LRP1B: variants seen among roughly 807,000 people sequenced by gnomAD.
The protein encoded by LRP1B is low-density lipoprotein receptor-related protein 1B.
A neutral mutation model predicts 556.6 loss-of-function variants in LRP1B; 217 were observed. That is an observed-to-expected ratio of 0.39 (90% CI 0.35 to 0.44). LRP1B has a LOEUF of 0.44. Ranked by LOEUF, LRP1B falls within the 20% of genes least tolerant of loss-of-function variation. LRP1B has a pLI of 1.00. For synonymous variants in LRP1B, 2,047 were observed against 1,865.8 expected, an observed-to-expected ratio of 1.10 and a Z score of -2.50; for missense variants, 5,053 against 5,620.8, an observed-to-expected ratio of 0.90 and a Z score of 3.23.
intron 2 of LRP1B, among the ~76,000 whole-genome samples, chr2:141,670,351 T>C (rs139443418): frequency 0.012 from 1,851 of 152,288 alleles, 20 homozygotes; most frequent in Non-Finnish European, 0.018. Context: ...TAATATCACA[T>C]ATTAACTGTG....
intron 11 of LRP1B, among the ~76,000 whole-genome samples, chr2:141,033,686 G>T (rs1260446102): frequency 6.6e-6 from 1 of 152,020 alleles, no homozygotes; most frequent in African/African-American, 2.4e-5. Flanking sequence ...AAGAGGAAGA[G>T]GCCAGAGCTC....
intron 5 of LRP1B, among the ~76,000 whole-genome samples, chr2:141,244,824 A>G (rs1684008981): frequency 6.6e-6 from 1 of 152,080 alleles, no homozygotes; most frequent in Admixed American, 6.6e-5. Flanking sequence ...TTTTCCTTAA[A>G]CTATAAACCA....
chr2:141,521,367 G>T (rs1684523726), intron 2 of LRP1B, among the ~76,000 whole-genome samples: 1 of 151,866 alleles, frequency 6.6e-6, no homozygotes, highest in South Asian at 2.1e-4. Context: ...TTTCCAGTTT[G>T]TTCCTTCCTA....
intron 49 of LRP1B, among the ~76,000 whole-genome samples, chr2:140,524,392 C>T (rs977133299): frequency 6.6e-6 from 1 of 151,834 alleles, no homozygotes; most frequent in Admixed American, 6.6e-5. Context: ...ATTAGTTCAG[C>T]CCCTGTGAAA....
intron 3 of LRP1B, among the ~76,000 whole-genome samples, chr2:141,332,724 T>TA (rs1553497870): frequency 6.5e-5 from 9 of 138,988 alleles, no homozygotes; most frequent in South Asian, 4.2e-4. Context: ...CCTTATTTTT[T>TA]TATATATATA....
chr2:140,763,166 G>A (rs1688987917), intron 35 of LRP1B, among the ~76,000 whole-genome samples: 1 of 152,084 alleles, frequency 6.6e-6, no homozygotes, highest in South Asian at 2.1e-4. Flanking sequence ...AAGACACTGT[G>A]ATCTGCTCAA....
chr2:140,558,977 G>T (rs1203406130), intron 43 of LRP1B, among the ~76,000 whole-genome samples: 1 of 150,572 alleles, frequency 6.6e-6, no homozygotes, highest in Admixed American at 6.6e-5. Flanking sequence ...ATCACAATTT[G>T]TGCTGTCAAA....
intron 86 of LRP1B, among the ~76,000 whole-genome samples, chr2:140,264,344 T>C (rs1682089533): frequency 6.6e-6 from 1 of 152,192 alleles, no homozygotes; most frequent in Admixed American, 6.6e-5. Flanking sequence ...TTCTCCTGCC[T>C]TAGCCTCCCA....
intron 1 of LRP1B, among the ~76,000 whole-genome samples, chr2:141,850,137 T>C (rs1164082157): frequency 6.6e-6 from 1 of 151,784 alleles, no homozygotes; most frequent in Non-Finnish European, 1.5e-5. Flanking sequence ...CTCATCTTAG[T>C]GATAATTTTT....
At chr2:141,104,529 A>G (rs1226445792) in intron 7 of LRP1B, among the ~76,000 whole-genome samples, 1 of 152,070 alleles carries the variant, frequency 6.6e-6, no homozygotes, top group Non-Finnish European at 1.5e-5. Flanking sequence ...TGAACATGAA[A>G]TGAATGGAAT....
chr2:140,908,734 T>C (rs1370259814), intron 21 of LRP1B, among the ~76,000 whole-genome samples: 1 of 152,154 alleles, frequency 6.6e-6, no homozygotes, highest in Non-Finnish European at 1.5e-5. Context: ...AAATAATTAT[T>C]GTTTAGCCAG....
chr2:140,554,397 G>T (rs915121459), intron 43 of LRP1B, among the ~76,000 whole-genome samples: 1 of 152,018 alleles, frequency 6.6e-6, no homozygotes, highest in African/African-American at 2.4e-5. Context: ...AACAGTTTGT[G>T]ATTCATAAGC....
At position 141,780,702 on chromosome 2, in the gene LRP1B, G is replaced by A. The variant is rs1695225327; in HGVS notation, c.205+29577C>T. Among the ~76,000 whole-genome samples the A allele has an allele frequency of 3.9e-5, 6 of 152,168 alleles. No individual in the cohort carries two copies. The South Asian group carries it at 1.2e-3, about 32-fold the overall frequency. On this transcript the variant is annotated intron_variant, in intron 2 of 90. Coordinates refer to ENST00000389484, the MANE Select transcript of LRP1B (RefSeq NM_018557.3). Reference sequence around the variant, plus strand: ...GGGGAAGCAACAGCATTCTTTAGATGAACCTTATAATGCAATTGTTTTATC... The same window carrying A: ...GGGGAAGCAACAGCATTCTTTAGATAAACCTTATAATGCAATTGTTTTATC...
At chr2:141,536,394 T>C (rs185008561) in intron 2 of LRP1B, among the ~76,000 whole-genome samples, 1 of 152,174 alleles carries the variant, frequency 6.6e-6, no homozygotes, top group Non-Finnish European at 1.5e-5. Flanking sequence ...CCTTTCTCTC[T>C]AGAGAACATT....
In LRP1B at chr2:140,788,614, A is replaced by T. The variant is rs942924470; in HGVS notation, c.5360-12376T>A. 1.7e-4 allele frequency among the ~76,000 whole-genome samples: 26 copies of T among 152,346 alleles called. No individual in the cohort carries two copies. The East Asian group carries it at 4.8e-3, about 28-fold the overall frequency. ...CAACCGACATTAAGAATGTTAAAAA[A>T]ATTAATCTTTATTTGACATTTACAT... On this transcript the variant is annotated intron_variant, in intron 32 of 90. Transcript: ENST00000389484.
chr2:141,738,380 G>GCA (rs1239235103), intron 2 of LRP1B, among the ~76,000 whole-genome samples: 1 of 152,098 alleles, frequency 6.6e-6, no homozygotes, highest in African/African-American at 2.4e-5. Context: ...CATACACAAT[G>GCA]CAGTGCTCCA....
At chr2:140,328,911 A>G (rs1288975537) in intron 79 of LRP1B, among the ~76,000 whole-genome samples, 1 of 152,100 alleles carries the variant, frequency 6.6e-6, no homozygotes, top group East Asian at 1.9e-4. Flanking sequence ...TTATTTAACT[A>G]GAGACATTAT....
intron 2 of LRP1B, among the ~76,000 whole-genome samples, chr2:141,689,293 G>A (rs1387162490): frequency 1.3e-5 from 2 of 151,782 alleles, no homozygotes; most frequent in African/African-American, 4.8e-5. Flanking sequence ...ATCCAAGGTA[G>A]ACTAGCTAAT....
At chr2:141,377,172 T>C (rs1054800319) in intron 3 of LRP1B, among the ~76,000 whole-genome samples, 5 of 152,188 alleles carry the variant, frequency 3.3e-5, no homozygotes, top group Non-Finnish European at 7.4e-5. Context: ...GTTTACATTC[T>C]ATATCTTCTT....
Sources: gnomAD v4.1 joint callset for allele counts (sites outside exome capture counted in the v4.1 genomes callset) on GRCh38, gnomAD v4.1.1 for gene constraint, MANE v1.5 for transcripts, NCBI Gene and HGNC (gene_info 2026-07-23, HGNC 2026-07-21) for gene names.